TENM3: variants seen among roughly 807,000 people sequenced by gnomAD.
The protein encoded by TENM3 is teneurin-3.
In TENM3, 63 loss-of-function variants were observed where a neutral mutation model predicts 255.1. The observed-to-expected ratio is 0.25, with a 90% CI of 0.20 to 0.30. TENM3 has a LOEUF of 0.30. TENM3 is among the 10% of genes least tolerant of loss of function. The probability of loss-of-function intolerance (pLI) is 1.00; values close to 1 mark genes in which losing one functional copy is unlikely to be tolerated. For missense variants in TENM3, 2,929 were observed against 3,461.1 expected (o/e 0.85, Z 3.86); for synonymous variants, 1,306 against 1,322.3 (o/e 0.99, Z 0.27).
chr4:181,939,365 G>A, the TENM3 span, among the ~76,000 whole-genome samples: 2 of 152,152 alleles, frequency 1.3e-5, no homozygotes, highest in Non-Finnish European at 2.9e-5. Flanking sequence ...CCAAAAAGGT[G>A]GTAGGATTCC....
At chr4:182,094,632 G>A in the TENM3 span, among the ~76,000 whole-genome samples, 11 of 152,280 alleles carry the variant, frequency 7.2e-5, no homozygotes, top group South Asian at 2.1e-3. Flanking sequence ...CTCATACAAT[G>A]TTATGATAAG....
chr4:182,400,746 C>A lies in TENM3; in HGVS notation c.511+53817C>A, dbSNP rs1295513134. On this transcript the variant is annotated intron_variant, in intron 3 of 27. Coordinates refer to ENST00000511685, the MANE Select transcript of TENM3 (RefSeq NM_001080477.4). Reference sequence around the variant, plus strand: ...TAATTAAGGGAGCTCCAAGAGCTTTCTTATTTATTCTCACTAGTGTTATTT... The same window carrying A: ...TAATTAAGGGAGCTCCAAGAGCTTTATTATTTATTCTCACTAGTGTTATTT... 9.9e-5 allele frequency among the ~76,000 whole-genome samples: 15 copies of A among 152,220 alleles called. No homozygotes were observed. The East Asian group carries it at 2.7e-3, about 27-fold the overall frequency.
chr4:182,760,460 A>C lies in TENM3; in HGVS notation c.4892+5201A>C, dbSNP rs77339272. Among the ~76,000 whole-genome samples, 1,347 of 152,262 alleles carry C rather than the reference A, an allele frequency of 8.8e-3. 15 individuals carry two copies. The highest frequency in any genetic ancestry group is 0.014 in the Non-Finnish European group (948 of 68,010). ...AAATACAAACCGTTTGGGCATATCT[A>C]GAGGCTCTTCTGTCTGGTTAAAGAA... On this transcript the variant is annotated intron_variant, in intron 22 of 27. Coordinates refer to ENST00000511685, the MANE Select transcript of TENM3 (RefSeq NM_001080477.4).
the TENM3 span, among the ~76,000 whole-genome samples, chr4:182,039,872 G>T: frequency 1.3e-5 from 2 of 148,746 alleles, no homozygotes; most frequent in African/African-American, 5.0e-5. Flanking sequence ...AAGTTGGGAA[G>T]GGAGGGAGGG....
the TENM3 span, among the ~76,000 whole-genome samples, chr4:182,121,159 G>A: frequency 6.6e-5 from 10 of 151,780 alleles, no homozygotes; most frequent in East Asian, 9.7e-4. Context: ...CACGACACCC[G>A]GCTAACTTCT....
intron 24 of TENM3, among the ~76,000 whole-genome samples, chr4:182,786,032 G>GA (rs1765626096): frequency 2.0e-5 from 3 of 152,252 alleles, no homozygotes; most frequent in Middle Eastern, 3.4e-3. Flanking sequence ...GGGAATTTGG[G>GA]AAAAAACATA....
At chr4:181,787,450 T>C in the TENM3 span, among the ~76,000 whole-genome samples, 1 of 151,670 alleles carries the variant, frequency 6.6e-6, no homozygotes, top group East Asian at 2.0e-4. Context: ...GCAATTCCCC[T>C]GCTCAGCCTA....
intron 2 of TENM3, among the ~76,000 whole-genome samples, chr4:182,333,023 C>T (rs1476510214): frequency 6.6e-6 from 1 of 152,138 alleles, no homozygotes; most frequent in Non-Finnish European, 1.5e-5. Context: ...ATGGAGCAAA[C>T]TTGTCAACAC....
At chr4:181,606,680 T>C in the TENM3 span, among the ~76,000 whole-genome samples, 1 of 152,050 alleles carries the variant, frequency 6.6e-6, no homozygotes, top group African/African-American at 2.4e-5. Flanking sequence ...TGCCAGGCAG[T>C]CTTTTTTGTA....
the TENM3 span, among the ~76,000 whole-genome samples, chr4:181,668,399 G>C: frequency 6.6e-6 from 1 of 152,130 alleles, no homozygotes; most frequent in Admixed American, 6.5e-5. Flanking sequence ...GTGGTTTAAA[G>C]AACATAAATG....
chr4:181,552,503 G>C, the TENM3 span, among the ~76,000 whole-genome samples: 4 of 152,112 alleles, frequency 2.6e-5, no homozygotes, highest in African/African-American at 9.7e-5. Flanking sequence ...AGTTCCTCTC[G>C]TAAGAGCTTC....
intron 3 of TENM3, among the ~76,000 whole-genome samples, chr4:182,438,517 A>G (rs1356595284): frequency 6.6e-6 from 1 of 152,346 alleles, no homozygotes; most frequent in East Asian, 1.9e-4. Context: ...GCTGTTAATC[A>G]GAAACTGACT....
chr4:182,355,418 G>A (rs1360533179), intron 3 of TENM3, among the ~76,000 whole-genome samples: 5 of 152,078 alleles, frequency 3.3e-5, no homozygotes, highest in African/African-American at 9.7e-5. Context: ...TCATGTTTCC[G>A]TTTTACAGAG....
chr4:182,371,186 A>G (rs1766779746), intron 3 of TENM3, among the ~76,000 whole-genome samples: 1 of 150,672 alleles, frequency 6.6e-6, no homozygotes, highest in African/African-American at 2.4e-5. Context: ...CCAGTTTATC[A>G]TGACTCCTTC....
chr4:182,401,098 G>GTCC (rs1246570854), intron 3 of TENM3, among the ~76,000 whole-genome samples: 1 of 151,608 alleles, frequency 6.6e-6, no homozygotes, highest in Non-Finnish European at 1.5e-5. Context: ...CATTAACAGG[G>GTCC]TCCTCTCTCA....
chr4:182,408,717 A>G (rs1041696165), intron 3 of TENM3, among the ~76,000 whole-genome samples: 1 of 152,242 alleles, frequency 6.6e-6, no homozygotes, highest in African/African-American at 2.4e-5. Context: ...TTTTCTTATT[A>G]ACATTCAGTG....
At chr4:182,534,612 A>G (rs1449557688) in intron 3 of TENM3, among the ~76,000 whole-genome samples, 1 of 152,214 alleles carries the variant, frequency 6.6e-6, no homozygotes, top group African/African-American at 2.4e-5. Context: ...CATATGGGGC[A>G]TAGTATTATT....
intron 3 of TENM3, among the ~76,000 whole-genome samples, chr4:182,521,417 CTTTG>C (rs201971707): frequency 0.021 from 3,249 of 152,264 alleles, 113 homozygotes; most frequent in African/African-American, 0.073. Flanking sequence ...AATTATCATG[CTTTG>C]TTTGTGCTTT....
chr4:181,473,980 T>C, the TENM3 span, among the ~76,000 whole-genome samples: 1 of 151,688 alleles, frequency 6.6e-6, no homozygotes, highest in Admixed American at 6.6e-5. Flanking sequence ...TGTGATGGGC[T>C]CAATTTTAAA....
Sources: allele counts gnomAD v4.1 joint callset (sites outside exome capture counted in the v4.1 genomes callset), GRCh38; gene constraint gnomAD v4.1.1; transcripts MANE v1.5; gene names NCBI Gene and HGNC (gene_info 2026-07-23, HGNC 2026-07-21).